FAM135B: variants seen among roughly 807,000 people sequenced by gnomAD.
FAM135B encodes the protein protein FAM135B.
A neutral mutation model predicts 127.7 loss-of-function variants in FAM135B; 43 were observed. That is an observed-to-expected ratio of 0.34 (90% confidence interval 0.26 to 0.43). The LOEUF (loss-of-function observed/expected upper bound fraction) is 0.43. Ranked by LOEUF, FAM135B falls within the 20% of genes least tolerant of loss-of-function variation. FAM135B has a pLI of 1.00. For synonymous variants in FAM135B, 670 were observed against 665.1 expected, an observed-to-expected ratio of 1.01 and a Z score of -0.11; for missense variants, 1,558 against 1,725.6, an observed-to-expected ratio of 0.90 and a Z score of 1.72.
At chr8:138,159,303 A>G (rs1402285663) in intron 12 of FAM135B, among the ~76,000 whole-genome samples, 1 of 141,744 alleles carries the variant, frequency 7.1e-6, no homozygotes, top group Non-Finnish European at 1.5e-5. Context: ...ACACATGCAC[A>G]CATATGTTTA....
rs1319055658 is a variant in FAM135B, at chr8:138,203,925, G to A, written c.670-6256C>T. ...ATTCTCATAAGGAATGGGCAACCTAGATCCCTCCCATGTACAGTTCACAAC... is the reference window on the plus strand; with the variant it reads ...ATTCTCATAAGGAATGGGCAACCTAAATCCCTCCCATGTACAGTTCACAAC... On this transcript the variant is annotated intron_variant, in intron 7 of 19. Coordinates refer to ENST00000395297, the MANE Select transcript of FAM135B (RefSeq NM_015912.4). Among the ~76,000 whole-genome samples the A allele has an allele frequency of 2.6e-5, 4 of 152,286 alleles. No individual in the cohort carries two copies. In the South Asian group the frequency reaches 6.2e-4, roughly 24 times the overall value.
At chr8:138,250,788 A>G (rs2130481211) in intron 6 of FAM135B, 53 bp downstream of exon 6, 2 of 1,596,578 alleles carry the variant, frequency 1.3e-6, no homozygotes, top group Non-Finnish European at 1.7e-6. Context: ...CCTCTACCAC[A>G]CCTGCAATGG....
At chr8:138,246,444 A>C (rs777854557) in intron 6 of FAM135B, among the ~76,000 whole-genome samples, 36 of 152,146 alleles carry the variant, frequency 2.4e-4, no homozygotes, top group Non-Finnish European at 3.8e-4. Context: ...AAAGGGGCCA[A>C]GGTATAGCTC....
chr8:138,317,813 T>C (rs1010891140), intron 2 of FAM135B, among the ~76,000 whole-genome samples: 1 of 152,186 alleles, frequency 6.6e-6, no homozygotes, highest in African/African-American at 2.4e-5. Context: ...AACAATAACC[T>C]ACCATCAGAA....
Position 138,132,693 on chromosome 8 carries a change from G to A in FAM135B, c.4121C>T (p.Ala1374Val), listed in dbSNP as rs2130485362. 6.2e-7 allele frequency: 1 copy of A among 1,614,194 alleles called. No individual in the cohort carries two copies. Among genetic ancestry groups the A allele is most frequent in the Non-Finnish European group, 8.5e-7 (1 of 1,180,044 alleles). ...AGCGGCTCGGCCGATCAGGGTGTTG[G>A]CAGTGTTGGGCAGGGCGTGGAACAC... Reference protein sequence around the residue: ...HNVFHALPNTANTLIGRAAHI... With the variant: ...HNVFHALPNTVNTLIGRAAHI... The change falls in exon 20 of 20, where the codon GCC becomes GTC. Residue 1374 changes from alanine (A) to valine (V), a missense_variant. This residue lies in a region of FAM135B where 194 missense variants were observed against 333.8 expected (regional missense o/e 0.58). Transcript: ENST00000395297. The surrounding 1 kb of genome is among the most constrained non-coding windows in gnomAD (Gnocchi z 4.5).
At chr8:138,386,232 A>AG (rs1418072022) in intron 1 of FAM135B, among the ~76,000 whole-genome samples, 4 of 151,978 alleles carry the variant, frequency 2.6e-5, no homozygotes, top group African/African-American at 9.7e-5. Flanking sequence ...AACAAAAAAA[A>AG]AAACAAAAAC....
At chr8:138,437,326 C>A (rs1412283663) in intron 1 of FAM135B, 2 of 152,180 alleles carry the variant, frequency 1.3e-5, no homozygotes, top group East Asian at 3.9e-4. Context: ...ATAATCCCCA[C>A]CTGTCATGGA....
chr8:138,283,560 A>C (rs577121904), intron 3 of FAM135B, among the ~76,000 whole-genome samples: 1 of 152,188 alleles, frequency 6.6e-6, no homozygotes, highest in African/African-American at 2.4e-5. Context: ...ATTTGTGCAA[A>C]CCCACAGAAT....
At chr8:138,214,014 T>C (rs1051920402) in intron 7 of FAM135B, among the ~76,000 whole-genome samples, 1 of 152,160 alleles carries the variant, frequency 6.6e-6, no homozygotes, top group African/African-American at 2.4e-5. Context: ...TGTGGTTTCG[T>C]GTTGACCTAA....
At chr8:138,452,369 C>A (rs1284689313) in intron 1 of FAM135B, among the ~76,000 whole-genome samples, 1 of 152,078 alleles carries the variant, frequency 6.6e-6, no homozygotes, top group Non-Finnish European at 1.5e-5. Flanking sequence ...GATCCACCCA[C>A]TTCAGCCTCC....
chr8:138,427,431 T>A (rs1275080048), intron 1 of FAM135B, among the ~76,000 whole-genome samples: 1 of 152,076 alleles, frequency 6.6e-6, no homozygotes, highest in African/African-American at 2.4e-5. Flanking sequence ...TCATTTTTTA[T>A]CCTGAAACAA....
chr8:138,485,549 T>A (rs1814952198), intron 1 of FAM135B, among the ~76,000 whole-genome samples: 1 of 152,202 alleles, frequency 6.6e-6, no homozygotes, highest in African/African-American at 2.4e-5. Flanking sequence ...CAAATTTTAT[T>A]AAAAATTCCT....
At chr8:138,443,671 T>A (rs1190237300) in intron 1 of FAM135B, among the ~76,000 whole-genome samples, 2 of 152,086 alleles carry the variant, frequency 1.3e-5, no homozygotes, top group South Asian at 2.1e-4. Flanking sequence ...AGCAAACAAA[T>A]GACAGGGTGT....
At chr8:138,223,555 C>T (rs1304595258) in intron 7 of FAM135B, among the ~76,000 whole-genome samples, 1 of 152,136 alleles carries the variant, frequency 6.6e-6, no homozygotes, top group South Asian at 2.1e-4. Flanking sequence ...GTATCCCAGG[C>T]ATAGGAAGCA....
intron 1 of FAM135B, among the ~76,000 whole-genome samples, chr8:138,442,659 G>A (rs1313539559): frequency 6.6e-6 from 1 of 151,986 alleles, no homozygotes; most frequent in Non-Finnish European, 1.5e-5. Flanking sequence ...GAGTAGCCAG[G>A]ATGTTATCCC....
chr8:138,363,319 C>T (rs991291333), intron 2 of FAM135B, among the ~76,000 whole-genome samples: 1 of 152,142 alleles, frequency 6.6e-6, no homozygotes, highest in Non-Finnish European at 1.5e-5. Flanking sequence ...ATGCCGTAAA[C>T]TTTCAGATTG....
chr8:138,237,172 T>TTTG (rs1449861986), intron 7 of FAM135B, among the ~76,000 whole-genome samples: 27 of 141,914 alleles, frequency 1.9e-4, no homozygotes, highest in African/African-American at 6.1e-4. Context: ...TTTTTTTTTT[T>TTTG]TTGTTGGAGA....
chr8:138,489,674 C>T (rs1018840475), intron 1 of FAM135B, among the ~76,000 whole-genome samples: 1 of 152,114 alleles, frequency 6.6e-6, no homozygotes. Context: ...AGCCTCTACT[C>T]ACCTCTCCAG....
intron 18 of FAM135B, among the ~76,000 whole-genome samples, 198 bp downstream of exon 18, chr8:138,138,788 C>G (rs930438459): frequency 6.6e-6 from 1 of 152,226 alleles, no homozygotes; most frequent in African/African-American, 2.4e-5. Flanking sequence ...CTCTCACGTG[C>G]CATATGGGCA....
Sources: gnomAD v4.1 joint callset for allele counts (sites outside exome capture counted in the v4.1 genomes callset) on GRCh38, gnomAD v4.1.1 for gene constraint, gnomAD v4.1.1 regional missense constraint, Gnocchi (gnomAD v3.1) non-coding constraint, MANE v1.5 for transcripts, NCBI Gene and HGNC (gene_info 2026-07-23, HGNC 2026-07-21) for gene names.